The following CDH13 variants were observed in gnomAD, a reference collection of about 807,000 sequenced individuals.
The protein encoded by CDH13 is cadherin 13.
A neutral mutation model predicts 63.8 loss-of-function variants in CDH13; 24 were observed. The ratio of observed to expected loss-of-function variants is 0.38; its 90% confidence interval spans 0.27 to 0.53. CDH13 has a LOEUF of 0.53. Ranked by LOEUF, CDH13 falls within the 20% of genes least tolerant of loss-of-function variation. The pLI is 0.85. For missense variants in CDH13, 1,049 were observed against 903.1 expected (o/e 1.16, Z -2.07); for synonymous variants, 503 against 355.3 (o/e 1.42, Z -4.67).
chr16:83,453,940 C>G (rs2072954697), intron 6 of CDH13, among the ~76,000 whole-genome samples: 1 of 152,304 alleles, frequency 6.6e-6, no homozygotes, highest in East Asian at 1.9e-4. Context: ...ATGCTGTGCT[C>G]CTGCCTTCCC....
At chr16:82,742,520 T>C (rs1310018053) in intron 1 of CDH13, among the ~76,000 whole-genome samples, 1 of 152,184 alleles carries the variant, frequency 6.6e-6, no homozygotes, top group African/African-American at 2.4e-5. Context: ...CCTTGACTTG[T>C]TTATCTTTAG....
chr16:82,762,231 G>A (rs568983635), intron 1 of CDH13, among the ~76,000 whole-genome samples: 1 of 152,270 alleles, frequency 6.6e-6, no homozygotes, highest in African/African-American at 2.4e-5. Context: ...TGATTACTAA[G>A]ATTCTCTTTC....
intron 7 of CDH13, among the ~76,000 whole-genome samples, chr16:83,557,812 C>A (rs1038181152): frequency 9.2e-5 from 14 of 152,116 alleles, no homozygotes; most frequent in Admixed American, 2.0e-4. Context: ...ACTTCCCCAG[C>A]CACCTGTGAC....
intron 5 of CDH13, among the ~76,000 whole-genome samples, chr16:83,282,506 A>C (rs796203853): frequency 4.6e-5 from 7 of 152,320 alleles, no homozygotes; most frequent in South Asian, 4.1e-4. Context: ...CCAACCCAAA[A>C]AATAGTAAAT....
At chr16:83,013,848 A>G (rs1344459635) in intron 2 of CDH13, among the ~76,000 whole-genome samples, 1 of 152,204 alleles carries the variant, frequency 6.6e-6, no homozygotes, top group Non-Finnish European at 1.5e-5. Context: ...GAGACACAAC[A>G]TAGGGAGGAA....
At chr16:83,566,816 C>T (rs1904285002) in intron 7 of CDH13, among the ~76,000 whole-genome samples, 1 of 152,146 alleles carries the variant, frequency 6.6e-6, no homozygotes, top group South Asian at 2.1e-4. Flanking sequence ...GGCAGAATCC[C>T]AGAGAAGAGA....
Position 83,487,601 on chromosome 16 carries a change from C to G in CDH13, c.960+946C>G, listed in dbSNP as rs79827689. Among the ~76,000 whole-genome samples the G allele has an allele frequency of 1.8e-3, 276 of 152,280 alleles. 4 individuals carry two copies. Among genetic ancestry groups the G allele is most frequent in the East Asian group, 0.013 (68 of 5,166 alleles). ...GACCTCCAAACACAGCATCCTTAAA[C>G]CAACTCGTGGATTCCTACCCATCCT... On this transcript the variant is annotated intron_variant, in intron 7 of 13. Transcript: ENST00000567109.
intron 10 of CDH13, among the ~76,000 whole-genome samples, chr16:83,713,771 C>T (rs750273781): frequency 9.9e-5 from 15 of 152,152 alleles, no homozygotes; most frequent in Non-Finnish European, 2.1e-4. Flanking sequence ...TAAGAGCAGA[C>T]ACCAGCCAAT....
intron 10 of CDH13, among the ~76,000 whole-genome samples, chr16:83,703,798 G>A (rs1906602172): frequency 6.6e-6 from 1 of 152,120 alleles, no homozygotes; most frequent in East Asian, 1.9e-4. Context: ...CTTTTCTACA[G>A]TTCTCTCAGG....
chr16:83,730,829 A>T (rs1910961361), intron 10 of CDH13, among the ~76,000 whole-genome samples: 1 of 152,114 alleles, frequency 6.6e-6, no homozygotes, highest in Admixed American at 6.5e-5. Context: ...TCCCCCTTCT[A>T]GTAGTCCCCA....
Position 83,103,669 on chromosome 16 carries a change from C to T in CDH13, c.367-21716C>T, listed in dbSNP as rs182450534. 1.6e-3 allele frequency among the ~76,000 whole-genome samples: 239 copies of T among 152,244 alleles called. 1 individual carries two copies. The highest frequency in any genetic ancestry group is 5.5e-3 in the African/African-American group (229 of 41,546). Reference sequence around the variant, plus strand: ...TGGCTTCTCTAACTTACCAGAATTACGTATGTCCTTGAGCAGAGTGTTTAA... The same window carrying T: ...TGGCTTCTCTAACTTACCAGAATTATGTATGTCCTTGAGCAGAGTGTTTAA... On this transcript the variant is annotated intron_variant, in intron 3 of 13. Coordinates refer to ENST00000567109, the MANE Select transcript of CDH13 (RefSeq NM_001257.5).
intron 4 of CDH13, among the ~76,000 whole-genome samples, chr16:83,158,949 C>T (rs1159397692): frequency 6.6e-6 from 1 of 152,178 alleles, no homozygotes; most frequent in African/African-American, 2.4e-5. Context: ...ACCTTCATTA[C>T]TGCATATATA....
chr16:82,669,278 C>G (rs1370789142), intron 1 of CDH13, among the ~76,000 whole-genome samples: 1 of 152,226 alleles, frequency 6.6e-6, no homozygotes, highest in African/African-American at 2.4e-5. Flanking sequence ...CAAGGACAAG[C>G]CCTTTAGATG....
intron 10 of CDH13, among the ~76,000 whole-genome samples, chr16:83,684,162 T>C (rs1904280574): frequency 6.6e-6 from 1 of 151,924 alleles, no homozygotes; most frequent in Admixed American, 6.6e-5. Context: ...AGATCAGGAG[T>C]TCGAGACCAG....
chr16:83,578,224 G>A (rs986080450), intron 7 of CDH13, among the ~76,000 whole-genome samples: 1 of 152,166 alleles, frequency 6.6e-6, no homozygotes, highest in African/African-American at 2.4e-5. Flanking sequence ...CCTGGAGCAG[G>A]AAGAGTGTCT....
rs749506528 is a variant in CDH13, at chr16:83,032,035, C to T, written c.183C>T (p.Asn61=). ...TGACCTTCAGTGACTGTAAGGGAAA[C>T]GACAAGCTACGCTATGAGGTCTCGA... is the stretch of plus-strand genomic sequence containing the variant. The part of the protein sequence containing the change: ...LNLTFSDCKG[N]DKLRYEVSSP... The change falls in exon 3 of 14, where the codon AAC becomes AAT. Residue 61 remains asparagine, a synonymous_variant. Coordinates refer to ENST00000567109, the MANE Select transcript of CDH13 (RefSeq NM_001257.5). The T allele has an allele frequency of 8.1e-6, 13 of 1,599,866 alleles. No individual in the cohort carries two copies. The highest frequency in any genetic ancestry group is 1.0e-5 in the Non-Finnish European group (12 of 1,173,170).
At chr16:82,975,187 G>T (rs1909325646) in intron 2 of CDH13, among the ~76,000 whole-genome samples, 1 of 152,234 alleles carries the variant, frequency 6.6e-6, no homozygotes, top group African/African-American at 2.4e-5. Context: ...TGGCCTTGGG[G>T]CCCTGGCTGC....
intron 1 of CDH13, among the ~76,000 whole-genome samples, chr16:82,656,512 C>T (rs1911312797): frequency 6.6e-6 from 1 of 152,184 alleles, no homozygotes; most frequent in Non-Finnish European, 1.5e-5. Flanking sequence ...ACAGCCTTGT[C>T]CCACTATCAA....
At chr16:83,058,630 T>C (rs556602146) in intron 3 of CDH13, among the ~76,000 whole-genome samples, 1 of 152,328 alleles carries the variant, frequency 6.6e-6, no homozygotes, top group Admixed American at 6.5e-5. Flanking sequence ...AAAACATTAA[T>C]GATGTTCCCA....
Sources: gnomAD v4.1 joint callset for allele counts (sites outside exome capture counted in the v4.1 genomes callset) on GRCh38, gnomAD v4.1.1 for gene constraint, MANE v1.5 for transcripts, NCBI Gene and HGNC (gene_info 2026-07-23, HGNC 2026-07-21) for gene names.